Variants in LRSAM1 observed in about 807,000 individuals in gnomAD.
LRSAM1 encodes E3 ubiquitin-protein ligase LRSAM1.
A neutral mutation model predicts 118.1 loss-of-function variants in LRSAM1; 96 were observed. The ratio of observed to expected loss-of-function variants is 0.81; its 90% CI spans 0.69 to 0.96. The LOEUF (loss-of-function observed/expected upper bound fraction) is 0.96. LRSAM1 is among the 40% of genes least tolerant of loss of function. The pLI, the probability that LRSAM1 is intolerant of heterozygous loss-of-function variation, is 0.00. For synonymous variants in LRSAM1, 322 were observed against 364.2 expected (o/e 0.88, Z 1.32); for missense variants, 804 against 915.5 (o/e 0.88, Z 1.57).
At chr9:127,492,773 G>T (rs772230684) in intron 20 of LRSAM1, 29 bp from the exon 21 acceptor site, 2 of 1,607,400 alleles carry the variant, frequency 1.2e-6, no homozygotes, top group Admixed American at 3.3e-5. Flanking sequence ...GCCAGCTCAC[G>T]GTGGTGCGGG....
At chr9:127,458,780 T>C (rs1834623918) in intron 6 of LRSAM1, among the ~76,000 whole-genome samples, 2 of 152,176 alleles carry the variant, frequency 1.3e-5, no homozygotes, top group Non-Finnish European at 2.9e-5. Flanking sequence ...GCATAGTTTT[T>C]CAGTTAACAG....
chr9:127,454,827 C>T (rs1323463290), intron 3 of LRSAM1, among the ~76,000 whole-genome samples, 171 bp from the exon 4 acceptor site: 1 of 152,198 alleles, frequency 6.6e-6, no homozygotes, highest in East Asian at 1.9e-4. Flanking sequence ...CCCTCTGGGC[C>T]TCAAGCTCTG....
At chr9:127,486,142 C>T (rs1835721078) in intron 17 of LRSAM1, among the ~76,000 whole-genome samples, 1 of 152,232 alleles carries the variant, frequency 6.6e-6, no homozygotes, top group Non-Finnish European at 1.5e-5. Flanking sequence ...TTGTTATTAG[C>T]CCGATTTCAC....
At position 127,492,743 on chromosome 9, in the gene LRSAM1, T is replaced by C. The variant is rs1292716219; in HGVS notation, c.1504-59T>C. 11 of 1,512,452 alleles carry C rather than the reference T, an allele frequency of 7.3e-6. No homozygotes were observed. In the East Asian group the frequency reaches 2.3e-4, roughly 32 times the overall value. The allele number at this position is 1,512,452 out of a possible 1,614,324, so 93.7% of individuals were successfully genotyped here. ...GCCAGGCCCTTCTCCATCCTGCCAC[T>C]GCGGGACTCCTGCGCTGCCGCCAGC... On this transcript the variant is annotated intron_variant, in intron 20 of 25. Transcript: ENST00000300417.
intron 20 of LRSAM1, 44 bp downstream of exon 20, chr9:127,491,339 C>T (rs759995336): frequency 1.3e-6 from 2 of 1,501,236 alleles, no homozygotes; most frequent in South Asian, 2.3e-5. Flanking sequence ...CGTGGTGAGA[C>T]CCCCACCTGG....
chr9:127,461,935 G>A (rs1347559462), intron 8 of LRSAM1, among the ~76,000 whole-genome samples: 1 of 152,232 alleles, frequency 6.6e-6, no homozygotes, highest in South Asian at 2.1e-4. Flanking sequence ...GAGGGGCCCT[G>A]TGCGGAGGAC....
rs747426963 is a variant in LRSAM1, at chr9:127,496,083, G to T, written c.1818G>T (p.Gly606=). The T allele has an allele frequency of 6.2e-7, 1 of 1,610,316 alleles. No individual in the cohort carries two copies. Among genetic ancestry groups the T allele is most frequent in the Admixed American group, 1.7e-5 (1 of 60,020 alleles). Residue 606 remains glycine, a synonymous_variant, in exon 23 of 26, where the codon GGG becomes GGT. Transcript: ENST00000300417. ...ACCTGCTGAGCCAAATGAGCCCAGGGGACCTGGCCAAGGTGGGCAGCAGCC... is the reference window on the plus strand; with the variant it reads ...ACCTGCTGAGCCAAATGAGCCCAGGTGACCTGGCCAAGGTGGGCAGCAGCC... The part of the protein sequence containing the change: ...SLDLLSQMSP[G]DLAKVGVSEA...
rs2132023632 is a variant in LRSAM1 at position 127,465,867 on chromosome 9, G to T, written c.529-1873G>T. Among the ~76,000 whole-genome samples, 1 of 152,328 alleles carries T rather than the reference G, an allele frequency of 6.6e-6. No homozygotes were observed. Among genetic ancestry groups the T allele is most frequent in the African/African-American group, 2.4e-5 (1 of 41,564 alleles). ...GTCCAACACAACTCACACCGTGGAT[G>T]GGGCAGTTCTGTGGCTGTGAGCTGA... On this transcript the variant is annotated intron_variant, in intron 9 of 25. Transcript: ENST00000300417. This position sits in a 1 kb window ranked among gnomAD's most constrained non-coding sequence, Gnocchi z 4.1.
In LRSAM1 at chr9:127,461,262, G is replaced by A. The variant is rs1834732559; in HGVS notation, c.406+5G>A. 1.2e-6 allele frequency: 2 copies of A among 1,609,896 alleles called. No homozygotes were observed. Among genetic ancestry groups the A allele is most frequent in the Non-Finnish European group, 8.5e-7 (1 of 1,177,028 alleles). ...TCCAGACTCTCAATGTTAAAGGTAG[G>A]GACCAAGAAGCCGTGTCCGTGTGAC... On this transcript the variant is annotated splice_donor_5th_base_variant and intron_variant, in intron 8 of 25. Coordinates refer to ENST00000300417, the MANE Select transcript of LRSAM1 (RefSeq NM_001005373.4).
chr9:127,483,905 G>A (rs919354994), intron 16 of LRSAM1, among the ~76,000 whole-genome samples: 3 of 151,568 alleles, frequency 2.0e-5, no homozygotes, highest in African/African-American at 7.3e-5. Flanking sequence ...TCAAGTGATC[G>A]CCTGCCTCAA....
intron 17 of LRSAM1, chr9:127,487,346 G>A: frequency 5.6e-6 from 2 of 358,522 alleles, no homozygotes; most frequent in Middle Eastern, 9.6e-4. Flanking sequence ...ACCCATGGGA[G>A]TCAGGAGCTC....
Position 127,465,464 on chromosome 9 carries a change from G to T in LRSAM1, c.529-2276G>T, listed in dbSNP as rs1356729684. Among the ~76,000 whole-genome samples the T allele has an allele frequency of 6.6e-6, 1 of 152,242 alleles. No individual in the cohort carries two copies. The highest frequency in any genetic ancestry group is 2.4e-5 in the African/African-American group (1 of 41,464). Reference sequence around the variant, plus strand: ...CATCCTGGTATAGCCCACAGTCCGTGCCCTTAAGCCACCACGCTTTACTGA... The same window carrying T: ...CATCCTGGTATAGCCCACAGTCCGTTCCCTTAAGCCACCACGCTTTACTGA... On this transcript the variant is annotated intron_variant, in intron 9 of 25. Transcript: ENST00000300417. The surrounding 1 kb of genome is among the most constrained non-coding windows in gnomAD (Gnocchi z 4.1).
intron 10 of LRSAM1, among the ~76,000 whole-genome samples, chr9:127,471,918 C>T (rs1404377179): frequency 6.6e-6 from 1 of 151,526 alleles, no homozygotes; most frequent in Non-Finnish European, 1.5e-5. Flanking sequence ...CCACCTCGGC[C>T]TCCCGAAGCG....
In LRSAM1 at chr9:127,461,869, T is replaced by C. The variant is rs548958613; in HGVS notation, c.407-383T>C. Among the ~76,000 whole-genome samples, 13 of 152,306 alleles carry C rather than the reference T, an allele frequency of 8.5e-5. 1 individual carries two copies. The South Asian group carries it at 2.1e-3, about 24-fold the overall frequency. On this transcript the variant is annotated intron_variant, in intron 8 of 25. Coordinates refer to ENST00000300417, the MANE Select transcript of LRSAM1 (RefSeq NM_001005373.4). ...GCAGAGTGCCTCTGTTTATCAACTGTAACATATGAGTAATGAGAACAACAG... is the reference window on the plus strand; with the variant it reads ...GCAGAGTGCCTCTGTTTATCAACTGCAACATATGAGTAATGAGAACAACAG...
intron 6 of LRSAM1, 138 bp from the exon 7 acceptor site, chr9:127,458,865 C>A: frequency 1.3e-6 from 1 of 764,848 alleles, no homozygotes; most frequent in Non-Finnish European, 2.3e-6. Flanking sequence ...ATGATCAACA[C>A]TGAGTGGGAA....
chr9:127,501,441 T>C (rs1836388932), intron 25 of LRSAM1, among the ~76,000 whole-genome samples: 1 of 152,042 alleles, frequency 6.6e-6, no homozygotes, highest in Non-Finnish European at 1.5e-5. Flanking sequence ...CTTTAGAAAA[T>C]CATCTTTTGG....
At position 127,473,897 on chromosome 9, in the gene LRSAM1, C is replaced by T. The variant is rs565827207; in HGVS notation, c.716C>T (p.Thr239Met). ...TCTCGGGACAGCCCTGATGGGCCCA[C>T]GGACAGATTCTCAAGGGAGGAGTTA... The part of the protein sequence containing the change: ...ENSRDSPDGP[T>M]DRFSREELEW... The change falls in exon 11 of 26, where the codon ACG becomes ATG. Residue 239 changes from threonine (T) to methionine (M), a missense_variant. Coordinates refer to ENST00000300417, the MANE Select transcript of LRSAM1 (RefSeq NM_001005373.4). 1.5e-5 allele frequency: 24 copies of T among 1,614,228 alleles called. No individual in the cohort carries two copies. Among genetic ancestry groups the T allele is most frequent in the African/African-American group, 4.0e-5 (3 of 75,058 alleles).
intron 10 of LRSAM1, among the ~76,000 whole-genome samples, chr9:127,469,510 C>T (rs912021379): frequency 6.6e-6 from 1 of 150,860 alleles, no homozygotes; most frequent in Admixed American, 6.6e-5. Context: ...AGATAGCAAA[C>T]AGTATCTGAA....
intron 10 of LRSAM1, among the ~76,000 whole-genome samples, chr9:127,468,780 C>T (rs1250134575): frequency 1.4e-5 from 2 of 138,982 alleles, no homozygotes; most frequent in African/African-American, 5.5e-5. Context: ...TTGAGACCAG[C>T]CTAGGCAACA....
Sources: allele counts gnomAD v4.1 joint callset (sites outside exome capture counted in the v4.1 genomes callset), GRCh38; gene constraint gnomAD v4.1.1; non-coding constraint Gnocchi (gnomAD v3.1); transcripts MANE v1.5; gene names NCBI Gene and HGNC (gene_info 2026-07-23, HGNC 2026-07-21).